TRAF5: variants seen among roughly 807,000 people sequenced by gnomAD.
TRAF5 encodes TNF receptor associated factor 5.
A neutral mutation model predicts 64.5 loss-of-function variants in TRAF5; 48 were observed. That is an observed-to-expected ratio of 0.74 (90% CI 0.59 to 0.95). TRAF5 has a LOEUF of 0.95. Ranked by LOEUF, TRAF5 falls within the 40% of genes least tolerant of loss-of-function variation. The pLI, the probability that TRAF5 is intolerant of heterozygous loss-of-function variation, is 0.00. For synonymous variants in TRAF5, 206 were observed against 240.5 expected (o/e 0.86, Z 1.33); for missense variants, 545 against 662.8 (o/e 0.82, Z 1.95).
intron 1 of TRAF5, among the ~76,000 whole-genome samples, chr1:211,328,596 G>A (rs1042116432): frequency 1.3e-5 from 2 of 152,038 alleles, no homozygotes; most frequent in South Asian, 2.1e-4. Context: ...ACGTCCTGAC[G>A]ATAGGGACTG....
Position 211,372,525 on chromosome 1 carries a change from CA to C in TRAF5, c.1500del (p.Lys500AsnfsTer16). The C allele has an allele frequency of 6.2e-7, 1 of 1,614,204 alleles. No homozygotes were observed. Among genetic ancestry groups the C allele is most frequent in the Non-Finnish European group, 8.5e-7 (1 of 1,180,040 alleles). ...SGKKNIMETF[K>X]PDPNSSSFKR... ...GCAAAAAGAACATTATGGAGACCTTCAAACCTGACCCCAATAGCAGCAGCTT... is the reference window on the plus strand; with the variant it reads ...GCAAAAAGAACATTATGGAGACCTTCAACCTGACCCCAATAGCAGCAGCTT... On this transcript the variant is annotated frameshift_variant, in exon 11 of 11. Coordinates refer to ENST00000261464, the MANE Select transcript of TRAF5 (RefSeq NM_001033910.3). LOFTEE classifies it high-confidence loss of function.
intron 4 of TRAF5, chr1:211,357,299 C>G (rs1301744920): frequency 2.6e-5 from 4 of 152,182 alleles, no homozygotes; most frequent in Non-Finnish European, 1.5e-5. Context: ...CCTCCAAATC[C>G]CTCAGGGACT....
chr1:211,372,726 G>A lies in TRAF5; in HGVS notation c.*24G>A, dbSNP rs780807611. The A allele has an allele frequency of 1.9e-6, 3 of 1,598,104 alleles. No homozygotes were observed. Among genetic ancestry groups the A allele is most frequent in the African/African-American group, 2.7e-5 (2 of 74,526 alleles). On this transcript the variant is annotated 3_prime_UTR_variant, in exon 11 of 11. Coordinates refer to ENST00000261464, the MANE Select transcript of TRAF5 (RefSeq NM_001033910.3). The stretch of plus-strand genomic sequence containing the variant: ...AGTCACTGTTATGGGGTGATAAGAG[G>A]ACTTCTTGGGGCCAGAACTGTGGAG...
chr1:211,359,778 C>G lies in TRAF5; in HGVS notation c.379-134C>G, dbSNP rs531979638. 7.9e-5 allele frequency: 77 copies of G among 970,364 alleles called. 1 individual carries two copies. The highest frequency in any genetic ancestry group is 1.2e-4 in the Non-Finnish European group (76 of 651,954). The allele number at this position is 970,364 out of a possible 1,614,324, so 60.1% of individuals were successfully genotyped here. ...GGGCAGCATCCCCTGAGAGCCTACC[C>G]TCTGCCTTGCCCTGTGCAAGCCTTT... On this transcript the variant is annotated intron_variant, in intron 4 of 10. Transcript: ENST00000261464.
At chr1:211,347,551 A>G (rs1702649942) in intron 1 of TRAF5, among the ~76,000 whole-genome samples, 2 of 152,274 alleles carry the variant, frequency 1.3e-5, no homozygotes, top group African/African-American at 4.8e-5. Flanking sequence ...TAGAGAGTGA[A>G]CAAGGTCAGT....
intron 1 of TRAF5, among the ~76,000 whole-genome samples, chr1:211,344,346 T>G (rs1374700047): frequency 6.6e-6 from 1 of 152,216 alleles, no homozygotes; most frequent in African/African-American, 2.4e-5. Context: ...CATCATTGTT[T>G]GTCCTGTTCC....
At position 211,326,915 on chromosome 1, in the gene TRAF5, G is replaced by GGCAC. The variant is rs1214683927; in HGVS notation, c.-2+27_-2+30dup. 1.0e-6 allele frequency: 1 copy of GGCAC among 985,080 alleles called. No homozygotes were observed. Among genetic ancestry groups the GGCAC allele is most frequent in the Non-Finnish European group, 1.2e-6 (1 of 829,366 alleles). The allele number at this position is 985,080 out of a possible 1,614,324, so 61.0% of individuals were successfully genotyped here. On this transcript the variant is annotated intron_variant, in intron 1 of 10. Coordinates refer to ENST00000261464, the MANE Select transcript of TRAF5 (RefSeq NM_001033910.3). The surrounding 1 kb of genome is among the most constrained non-coding windows in gnomAD (Gnocchi z 5.0). ...GTGAGTCCGGCGGGTCGCCGCCCTG[G>GGCAC]GCACCCTCGCGACGGAAGGGCCGGG...
intron 1 of TRAF5, among the ~76,000 whole-genome samples, chr1:211,340,987 G>A (rs1249931492): frequency 2.0e-5 from 3 of 152,202 alleles, no homozygotes; most frequent in Non-Finnish European, 4.4e-5. Flanking sequence ...GTGAGCCACC[G>A]CGCCTGGCCT....
At chr1:211,352,347 T>A (rs1702810056) in intron 1 of TRAF5, among the ~76,000 whole-genome samples, 1 of 147,224 alleles carries the variant, frequency 6.8e-6, no homozygotes, top group African/African-American at 2.6e-5. Context: ...GGAAAGACCA[T>A]GATTATATTA....
intron 1 of TRAF5, among the ~76,000 whole-genome samples, chr1:211,330,355 A>AT (rs549765421): frequency 6.7e-6 from 1 of 148,774 alleles, no homozygotes; most frequent in Non-Finnish European, 1.5e-5. Context: ...ACATTCCTGA[A>AT]TTTTTTTCCA....
rs535536427 is a variant in TRAF5, at chr1:211,353,296, C to T, written c.57C>T (p.Ser19=). Reference sequence around the variant, plus strand: ...CCTGTGGTTTCATCCGCCAGAATTCCGGCAACTCCATTTCCTTGGACTTTG... The same window carrying T: ...CCTGTGGTTTCATCCGCCAGAATTCTGGCAACTCCATTTCCTTGGACTTTG... The part of the protein sequence containing the change: ...GMPCGFIRQN[S]GNSISLDFEP... Residue 19 remains serine (S), a synonymous_variant, in exon 2 of 11, where the codon TCC becomes TCT. Transcript: ENST00000261464. 5.0e-5 allele frequency: 80 copies of T among 1,614,192 alleles called. 1 individual carries two copies. Among genetic ancestry groups the T allele is most frequent in the South Asian group, 1.1e-4 (10 of 91,078 alleles).
intron 1 of TRAF5, among the ~76,000 whole-genome samples, chr1:211,344,081 A>G (rs1702521141): frequency 1.3e-5 from 2 of 152,174 alleles, no homozygotes; most frequent in South Asian, 4.1e-4. Context: ...TAGACTCTAC[A>G]TGGTTCTGAG....
At chr1:211,365,292 T>A in intron 7 of TRAF5, 84 bp from the exon 8 acceptor site, 1 of 1,167,162 alleles carries the variant, frequency 8.6e-7, no homozygotes, top group Non-Finnish European at 1.2e-6. Context: ...GTTGTTAAGA[T>A]TCTATTTTAG....
intron 1 of TRAF5, among the ~76,000 whole-genome samples, chr1:211,331,637 CAGA>C (rs1702158839): frequency 6.6e-6 from 1 of 151,860 alleles, no homozygotes; most frequent in African/African-American, 2.4e-5. Context: ...TAAAAACCAG[CAGA>C]AGAATTGCTG....
intron 7 of TRAF5, among the ~76,000 whole-genome samples, chr1:211,365,049 T>A (rs1405183677): frequency 1.3e-5 from 2 of 152,040 alleles, no homozygotes; most frequent in African/African-American, 4.8e-5. Flanking sequence ...GGTGCACACC[T>A]GTAATCCCAG....
intron 6 of TRAF5, 134 bp from the exon 7 acceptor site, chr1:211,360,954 C>A: frequency 9.7e-7 from 1 of 1,027,430 alleles, no homozygotes; most frequent in South Asian, 1.4e-5. Flanking sequence ...CAACTTTCAT[C>A]ATAGCTCTTT....
At chr1:211,353,709 G>A in intron 2 of TRAF5, 1 of 505,694 alleles carries the variant, frequency 2.0e-6, no homozygotes, top group South Asian at 2.1e-5. Flanking sequence ...AGCAGACCTA[G>A]ACACACACTC....
At chr1:211,330,958 A>G (rs930462280) in intron 1 of TRAF5, among the ~76,000 whole-genome samples, 2 of 152,144 alleles carry the variant, frequency 1.3e-5, no homozygotes, top group African/African-American at 4.8e-5. Context: ...TCCCTCACCC[A>G]GTTATCTTCT....
At chr1:211,333,773 A>G (rs1702221482) in intron 1 of TRAF5, among the ~76,000 whole-genome samples, 1 of 152,184 alleles carries the variant, frequency 6.6e-6, no homozygotes, top group African/African-American at 2.4e-5. Context: ...CTAGGATTAC[A>G]GGTATAAGCC....
Sources: allele counts gnomAD v4.1 joint callset (sites outside exome capture counted in the v4.1 genomes callset), GRCh38; gene constraint gnomAD v4.1.1; non-coding constraint Gnocchi (gnomAD v3.1); transcripts MANE v1.5; gene names NCBI Gene and HGNC (gene_info 2026-07-23, HGNC 2026-07-21).